Variants in ACOT7 observed in about 807,000 individuals in gnomAD.
ACOT7 encodes the protein cytosolic acyl coenzyme A thioester hydrolase.
Under a neutral mutation model 40.2 loss-of-function variants are expected in ACOT7, and 12 were observed. The observed-to-expected ratio is 0.30, with a 90% CI of 0.19 to 0.48. ACOT7 has a LOEUF of 0.48. Ranked by LOEUF, ACOT7 falls within the 20% of genes least tolerant of loss-of-function variation. The probability of loss-of-function intolerance (pLI) is 0.99; values close to 1 mark genes in which losing one functional copy is unlikely to be tolerated. For synonymous variants in ACOT7, 228 were observed against 219.5 expected (o/e 1.04, Z -0.34); for missense variants, 395 against 530.8 (o/e 0.74, Z 2.51).
At chr1:6,314,762 G>A (rs1055280354) in intron 6 of ACOT7, among the ~76,000 whole-genome samples, 6 of 151,682 alleles carry the variant, frequency 4.0e-5, no homozygotes, top group Admixed American at 2.0e-4. Flanking sequence ...AGAACTGCAC[G>A]CACACCACCA....
At chr1:6,304,393 CTTTTTTT>C (rs765262733) in intron 6 of ACOT7, among the ~76,000 whole-genome samples, 1 of 111,104 alleles carries the variant, frequency 9.0e-6, no homozygotes, top group African/African-American at 3.5e-5. Context: ...AAAGTACGTT[CTTTTTTT>C]TTTTTTTTTT....
intron 6 of ACOT7, among the ~76,000 whole-genome samples, chr1:6,298,444 T>G (rs1639874254): frequency 1.3e-5 from 2 of 152,192 alleles, no homozygotes; most frequent in Admixed American, 1.3e-4. Flanking sequence ...TGCATCTCCA[T>G]TTTTCAATCA....
chr1:6,339,169 G>T (rs1641191795), intron 3 of ACOT7, among the ~76,000 whole-genome samples: 2 of 152,154 alleles, frequency 1.3e-5, no homozygotes, highest in Non-Finnish European at 2.9e-5. Flanking sequence ...CAGGCAGCAT[G>T]ATGTGCTCAG....
chr1:6,341,703 C>T (rs1326663367), intron 2 of ACOT7, among the ~76,000 whole-genome samples: 2 of 152,166 alleles, frequency 1.3e-5, no homozygotes, highest in Non-Finnish European at 2.9e-5. Flanking sequence ...GATCGCACCA[C>T]TGCGCTCCAG....
At chr1:6,300,631 GGCCGGCCTCTCTC>G (rs1639943477) in intron 6 of ACOT7, among the ~76,000 whole-genome samples, 1 of 133,650 alleles carries the variant, frequency 7.5e-6, no homozygotes, top group African/African-American at 2.9e-5. Flanking sequence ...CCTGACGCGT[GGCCGGCCTCTCTC>G]CACAAACACA....
chr1:6,286,111 C>A lies in ACOT7; in HGVS notation c.830-4825G>T, dbSNP rs550122079. Among the ~76,000 whole-genome samples the A allele has an allele frequency of 5.9e-5, 9 of 152,332 alleles. No individual in the cohort carries two copies. The South Asian group carries it at 1.9e-3, about 32-fold the overall frequency. On this transcript the variant is annotated intron_variant, in intron 7 of 8. Coordinates refer to ENST00000361521, the MANE Select transcript of ACOT7 (RefSeq NM_007274.4). ...GGTCAAAAAGACCTCTTGGTCCTGA[C>A]AATCAGCCCACGAGCGGAGGTGCTG...
At chr1:6,369,212 C>T (rs1323596545) in intron 1 of ACOT7, among the ~76,000 whole-genome samples, 6 of 151,998 alleles carry the variant, frequency 3.9e-5, no homozygotes, top group Non-Finnish European at 7.4e-5. Context: ...AACACCTGAC[C>T]TCAGGTGATC....
At chr1:6,351,090 A>G (rs1375587475) in intron 1 of ACOT7, among the ~76,000 whole-genome samples, 2 of 152,236 alleles carry the variant, frequency 1.3e-5, no homozygotes, top group Non-Finnish European at 2.9e-5. Context: ...GGAAGCTCCA[A>G]GAAACCCACC....
intron 4 of ACOT7, 52 bp from the exon 5 acceptor site, chr1:6,327,465 C>A (rs772158307): frequency 6.4e-7 from 1 of 1,566,118 alleles, no homozygotes; most frequent in Non-Finnish European, 8.8e-7. Flanking sequence ...GCCTCCTCCC[C>A]TCGCTGGGCG....
rs1304324035 is a variant in ACOT7, at chr1:6,393,629, G to GC, written c.-231dup. The GC allele has an allele frequency of 3.2e-6, 1 of 312,962 alleles. No individual in the cohort carries two copies. Among genetic ancestry groups the GC allele is most frequent in the African/African-American group, 2.2e-5 (1 of 45,468 alleles). 19.4% of individuals were successfully genotyped at this position (312,962 alleles called of 1,614,324 possible). A position where few individuals can be genotyped will look rare whatever the true frequency, so the allele number is the denominator to read the frequency against. ...GAAGGTTCGGTGGCGGTTGGGCCGCGCCGGTGCGGGGAAGGCCCGCTAGCC... is the reference window on the plus strand; with the variant it reads ...GAAGGTTCGGTGGCGGTTGGGCCGCGCCCGGTGCGGGGAAGGCCCGCTAGCC... On this transcript the variant is annotated 5_prime_UTR_variant, in exon 1 of 9. Transcript: ENST00000361521.
intron 2 of ACOT7, among the ~76,000 whole-genome samples, chr1:6,344,449 T>C (rs924225361): frequency 2.0e-5 from 3 of 152,098 alleles, no homozygotes; most frequent in Non-Finnish European, 4.4e-5. Flanking sequence ...TGAGCTTGGT[T>C]CTCTCCCAGC....
chr1:6,331,975 T>C (rs961569704), intron 4 of ACOT7, among the ~76,000 whole-genome samples: 4 of 152,110 alleles, frequency 2.6e-5, no homozygotes, highest in African/African-American at 7.2e-5. Flanking sequence ...CCATCAGCCC[T>C]GGTGACCGGG....
chr1:6,348,043 C>A (rs546027789), intron 2 of ACOT7, among the ~76,000 whole-genome samples: 7 of 152,218 alleles, frequency 4.6e-5, no homozygotes, highest in Admixed American at 4.6e-4. Flanking sequence ...AAGGGTGCAA[C>A]AGGAACTTGG....
intron 1 of ACOT7, among the ~76,000 whole-genome samples, chr1:6,380,490 C>T (rs1206358909): frequency 1.3e-5 from 2 of 149,884 alleles, no homozygotes; most frequent in African/African-American, 4.9e-5. Context: ...ATCCCAGCTA[C>T]TCAGGAGGCT....
At chr1:6,375,272 A>AC (rs1422759298) in intron 1 of ACOT7, among the ~76,000 whole-genome samples, 1 of 151,960 alleles carries the variant, frequency 6.6e-6, no homozygotes, top group East Asian at 1.9e-4. Context: ...AAAAAAAAAA[A>AC]AAAAAAGATA....
intron 3 of ACOT7, among the ~76,000 whole-genome samples, chr1:6,335,485 C>T (rs1361406366): frequency 6.6e-6 from 1 of 151,868 alleles, no homozygotes; most frequent in African/African-American, 2.4e-5. Flanking sequence ...AGAGCGAGGC[C>T]CTGTCTTAAA....
intron 5 of ACOT7, among the ~76,000 whole-genome samples, chr1:6,326,190 G>C (rs1640793484): frequency 6.6e-6 from 1 of 152,206 alleles, no homozygotes. Flanking sequence ...GCGTCCTGGA[G>C]GGAGTTCTCC....
intron 1 of ACOT7, among the ~76,000 whole-genome samples, chr1:6,393,053 G>A (rs1179706888): frequency 3.3e-5 from 5 of 151,562 alleles, no homozygotes; most frequent in African/African-American, 2.4e-5. Flanking sequence ...GGCTGGAGGC[G>A]GGCGGGGGCC....
In ACOT7 at chr1:6,339,554, G is replaced by A. The variant is rs1641203760; in HGVS notation, c.297C>T (p.Arg99=). ...TGCACATGGGAGACAGGAAGTCGGT[G>A]CGCTCGACACGAGCCAGGGCGGCCA... ...RCVAALARVE[R]TDFLSPMCIG... is the part of the protein sequence containing the mutation. Residue 99 remains arginine, a synonymous_variant, in exon 3 of 9, where the codon CGC becomes CGT. Transcript: ENST00000361521. 2 of 1,613,400 alleles carry A rather than the reference G, an allele frequency of 1.2e-6. No homozygotes were observed. The highest frequency in any genetic ancestry group is 1.7e-5 in the Admixed American group (1 of 60,004).
Sources: allele counts gnomAD v4.1 joint callset (sites outside exome capture counted in the v4.1 genomes callset), GRCh38; gene constraint gnomAD v4.1.1; transcripts MANE v1.5; gene names NCBI Gene and HGNC (gene_info 2026-07-23, HGNC 2026-07-21).